The following SPIDR variants were observed in gnomAD, a reference collection of about 807,000 sequenced individuals.
The protein encoded by SPIDR is DNA repair-scaffolding protein.
Under a neutral mutation model 104.6 loss-of-function variants are expected in SPIDR, and 93 were observed. The ratio of observed to expected loss-of-function variants is 0.89; its 90% CI spans 0.75 to 1.06. The LOEUF is 1.06. Ranked by LOEUF, SPIDR falls within the 50% of genes least tolerant of loss-of-function variation. The pLI, the probability that SPIDR is intolerant of heterozygous loss-of-function variation, is 0.00. For missense variants in SPIDR, 1,154 were observed against 1,111.2 expected (o/e 1.04, Z -0.55); for synonymous variants, 431 against 416.9 (o/e 1.03, Z -0.41).
chr8:47,623,406 T>A (rs953605267), intron 10 of SPIDR, among the ~76,000 whole-genome samples: 24 of 152,180 alleles, frequency 1.6e-4, no homozygotes, highest in African/African-American at 5.5e-4. Context: ...TGAATGTAAA[T>A]GGGCTAAATG....
intron 1 of SPIDR, among the ~76,000 whole-genome samples, chr8:47,278,977 C>T (rs1238666142): frequency 6.6e-6 from 1 of 151,866 alleles, no homozygotes; most frequent in African/African-American, 2.4e-5. Context: ...GCCTCAAACT[C>T]CTGGGCTCAA....
intron 8 of SPIDR, among the ~76,000 whole-genome samples, chr8:47,529,988 A>C (rs925357518): frequency 6.6e-6 from 1 of 152,208 alleles, no homozygotes; most frequent in Non-Finnish European, 1.5e-5. Context: ...TGTTCTGAGA[A>C]ATGCATTATT....
chr8:47,411,122 G>A (rs1470349535), intron 7 of SPIDR, among the ~76,000 whole-genome samples: 2 of 152,150 alleles, frequency 1.3e-5, no homozygotes, highest in Non-Finnish European at 2.9e-5. Flanking sequence ...GTAAACATAC[G>A]TGTGCATGTG....
chr8:47,296,190 G>A (rs2040813501), intron 5 of SPIDR, among the ~76,000 whole-genome samples: 2 of 152,172 alleles, frequency 1.3e-5, no homozygotes, highest in African/African-American at 4.8e-5. Context: ...TATCAGATAT[G>A]TAGTTTGTAG....
intron 5 of SPIDR, among the ~76,000 whole-genome samples, chr8:47,389,516 C>G (rs1173039697): frequency 6.6e-6 from 1 of 151,606 alleles, no homozygotes; most frequent in Non-Finnish European, 1.5e-5. Context: ...GGTGAAACCC[C>G]GTCTGTACTA....
chr8:47,729,409 C>T lies in SPIDR; in HGVS notation c.2551-3C>T. ...TAACCCAGCCCTGCTTCTGCTGTTG[C>T]AGCTGTTGCAGCGCAGCATTTCCTC... On this transcript the variant is annotated splice_polypyrimidine_tract_variant and splice_region_variant and intron_variant, in intron 18 of 19. Coordinates refer to ENST00000297423, the MANE Select transcript of SPIDR (RefSeq NM_001080394.4). 3 of 1,589,858 alleles carry T rather than the reference C, an allele frequency of 1.9e-6. No individual in the cohort carries two copies. The highest frequency in any genetic ancestry group is 2.6e-6 in the Non-Finnish European group (3 of 1,168,288).
chr8:47,615,285 A>G lies in SPIDR; in HGVS notation c.1544+16089A>G, dbSNP rs539580039. 3.3e-5 allele frequency among the ~76,000 whole-genome samples: 5 copies of G among 152,058 alleles called. No homozygotes were observed. The South Asian group carries it at 8.3e-4, about 25-fold the overall frequency. ...TTCTTTTGTTGCTTGTGCTTTTGGTATCTTTTCTAAGAACTGTTATCAAAT... is the reference window on the plus strand; with the variant it reads ...TTCTTTTGTTGCTTGTGCTTTTGGTGTCTTTTCTAAGAACTGTTATCAAAT... On this transcript the variant is annotated intron_variant, in intron 10 of 19. Coordinates refer to ENST00000297423, the MANE Select transcript of SPIDR (RefSeq NM_001080394.4).
intron 1 of SPIDR, among the ~76,000 whole-genome samples, chr8:47,266,919 G>A (rs534887582): frequency 6.6e-6 from 1 of 152,150 alleles, no homozygotes; most frequent in African/African-American, 2.4e-5. Flanking sequence ...CTCATCCATT[G>A]GCAACCACTA....
chr8:47,651,982 A>G (rs2154457389), intron 10 of SPIDR, among the ~76,000 whole-genome samples: 1 of 152,262 alleles, frequency 6.6e-6, no homozygotes, highest in Non-Finnish European at 1.5e-5. Context: ...GTGAAGAATA[A>G]AAGACTACAT....
chr8:47,286,479 C>A (rs1416469035), intron 3 of SPIDR, among the ~76,000 whole-genome samples: 1 of 152,162 alleles, frequency 6.6e-6, no homozygotes, highest in Non-Finnish European at 1.5e-5. Flanking sequence ...GAGGCTGTGG[C>A]AGGAAGATCA....
At chr8:47,466,752 C>G (rs553841697) in intron 8 of SPIDR, among the ~76,000 whole-genome samples, 86 of 149,790 alleles carry the variant, frequency 5.7e-4, no homozygotes, top group Non-Finnish European at 1.0e-3. Context: ...GGCATCACAA[C>G]TAAAAGAACT....
At chr8:47,702,375 G>C (rs1026081800) in intron 14 of SPIDR, among the ~76,000 whole-genome samples, 1 of 152,110 alleles carries the variant, frequency 6.6e-6, no homozygotes, top group African/African-American at 2.4e-5. Flanking sequence ...CCGACACTTA[G>C]GCAGGTTGAA....
intron 11 of SPIDR, among the ~76,000 whole-genome samples, chr8:47,687,067 A>G (rs1409528066): frequency 6.6e-6 from 1 of 152,098 alleles, no homozygotes; most frequent in Non-Finnish European, 1.5e-5. Context: ...AGTAGTTTTC[A>G]TTACTGTTAA....
At chr8:47,430,737 A>G (rs1192542435) in intron 7 of SPIDR, among the ~76,000 whole-genome samples, 4 of 152,208 alleles carry the variant, frequency 2.6e-5, no homozygotes, top group African/African-American at 4.8e-5. Flanking sequence ...TGCCACATTT[A>G]TAAAAATAGA....
chr8:47,301,367 C>T (rs2042058666), intron 5 of SPIDR, among the ~76,000 whole-genome samples: 1 of 152,156 alleles, frequency 6.6e-6, no homozygotes, highest in African/African-American at 2.4e-5. Flanking sequence ...TTCCTGAATA[C>T]CGCACACTGA....
intron 8 of SPIDR, among the ~76,000 whole-genome samples, chr8:47,589,399 G>A (rs1037719183): frequency 3.9e-5 from 6 of 151,910 alleles, no homozygotes; most frequent in Admixed American, 1.3e-4. Flanking sequence ...GCGCGCGCCT[G>A]TAGTCCCAGC....
chr8:47,395,201 T>C (rs1554657572), intron 5 of SPIDR, among the ~76,000 whole-genome samples: 5 of 152,006 alleles, frequency 3.3e-5, no homozygotes. Flanking sequence ...GTACAAAAAT[T>C]AGCTGGGCAT....
chr8:47,265,604 T>A (rs1448303595), intron 1 of SPIDR, among the ~76,000 whole-genome samples: 1 of 152,162 alleles, frequency 6.6e-6, no homozygotes, highest in Non-Finnish European at 1.5e-5. Context: ...GGAAAACATG[T>A]TTTCTTTTTA....
intron 5 of SPIDR, among the ~76,000 whole-genome samples, chr8:47,301,353 G>C (rs2042056131): frequency 6.6e-6 from 1 of 152,092 alleles, no homozygotes; most frequent in African/African-American, 2.4e-5. Context: ...CACGTGAGAT[G>C]GGTTTCCTGA....
Sources: allele counts gnomAD v4.1 joint callset (sites outside exome capture counted in the v4.1 genomes callset), GRCh38; gene constraint gnomAD v4.1.1; transcripts MANE v1.5; gene names NCBI Gene and HGNC (gene_info 2026-07-23, HGNC 2026-07-21).